The following GPR19 variants were observed in gnomAD, a reference collection of about 807,000 sequenced individuals.
The protein encoded by GPR19 is G protein-coupled receptor 19, also known as probable G protein-coupled receptor 19.
GPR19 carries 14 observed loss-of-function variants against 28.5 expected under a neutral mutation model. The ratio of observed to expected loss-of-function variants is 0.49; its 90% confidence interval spans 0.32 to 0.77. GPR19 has a LOEUF of 0.77. GPR19 is among the 30% of genes least tolerant of loss of function. The probability of loss-of-function intolerance (pLI) is 0.03; values close to 1 mark genes in which losing one functional copy is unlikely to be tolerated. For missense variants in GPR19, 409 were observed against 504.1 expected (o/e 0.81, Z 1.81); for synonymous variants, 173 against 184.1 (o/e 0.94, Z 0.49).
the GPR19 span, among the ~76,000 whole-genome samples, chr12:12,710,748 C>T: frequency 5.9e-5 from 9 of 152,138 alleles, no homozygotes; most frequent in African/African-American, 2.2e-4. Flanking sequence ...GCTATGTAGG[C>T]CAGGCTGGTC....
chr12:12,710,136 G>C, the GPR19 span, among the ~76,000 whole-genome samples: 1 of 152,198 alleles, frequency 6.6e-6, no homozygotes, highest in African/African-American at 2.4e-5. Flanking sequence ...TGGATCACCT[G>C]AGGTCAGGAG....
intron 2 of GPR19, among the ~76,000 whole-genome samples, chr12:12,694,379 T>TA (rs1166815984): frequency 6.6e-6 from 1 of 151,184 alleles, no homozygotes; most frequent in Non-Finnish European, 1.5e-5. Context: ...TTTGTATTTT[T>TA]TTTTTTTTAG....
the GPR19 span, chr12:12,715,748 G>T: frequency 6.6e-5 from 10 of 152,244 alleles, no homozygotes; most frequent in Non-Finnish European, 1.2e-4. Context: ...CCTGACTCCG[G>T]TACCAACCGA....
At chr12:12,696,552 T>G (rs1300252324), upstream of GPR19, among the ~76,000 whole-genome samples, 1 of 152,140 alleles carries the variant, frequency 6.6e-6, no homozygotes, top group African/African-American at 2.4e-5. Context: ...GAAACAAAAT[T>G]TTTTAAAAAA....
chr12:12,663,403 T>G (rs1191865090), intron 3 of GPR19, among the ~76,000 whole-genome samples: 1 of 147,668 alleles, frequency 6.8e-6, no homozygotes, highest in African/African-American at 2.5e-5. Context: ...GAATCCAGCC[T>G]GGGCAACATA....
intron 3 of GPR19, 52 bp downstream of exon 3, chr12:12,684,299 T>G (rs1830927252): frequency 6.6e-6 from 1 of 152,234 alleles, no homozygotes; most frequent in Middle Eastern, 3.1e-3. Flanking sequence ...GAAGGCATTA[T>G]GTCCTCTGAG....
At chr12:12,689,078 A>G (rs1946137714) in intron 2 of GPR19, 1 of 152,284 alleles carries the variant, frequency 6.6e-6, no homozygotes, top group South Asian at 2.1e-4. Context: ...TACTTATGGC[A>G]GAAAGTAAAA....
intron 3 of GPR19, among the ~76,000 whole-genome samples, chr12:12,670,813 GT>G (rs1224996791): frequency 2.0e-5 from 3 of 152,244 alleles, no homozygotes; most frequent in Non-Finnish European, 4.4e-5. Flanking sequence ...AGGGGCCTGG[GT>G]ACCTAATCAT....
At chr12:12,669,362 T>C (rs535913979) in intron 3 of GPR19, among the ~76,000 whole-genome samples, 1 of 152,156 alleles carries the variant, frequency 6.6e-6, no homozygotes, top group East Asian at 1.9e-4. Context: ...AGACTTCAAT[T>C]TGAATTGAAA....
At position 12,662,345 on chromosome 12, in the gene GPR19, A is replaced by C; in HGVS notation, c.104T>G (p.Leu35Arg). 6.2e-7 allele frequency: 1 copy of C among 1,614,210 alleles called. No homozygotes were observed. The highest frequency in any genetic ancestry group is 8.5e-7 in the Non-Finnish European group (1 of 1,180,030). Reference protein sequence around the residue: ...NRSCTETATPLPSQYLMELSE... With the variant: ...NRSCTETATPRPSQYLMELSE... ...TAATTCCATCAGGTATTGGCTTGGCAGAGGTGTGGCTGTTTCAGTGCAGCT... is the reference window on the plus strand; with the variant it reads ...TAATTCCATCAGGTATTGGCTTGGCCGAGGTGTGGCTGTTTCAGTGCAGCT... The change falls in exon 4 of 4, where the codon CTG (leucine) becomes CGG (arginine). Residue 35 changes from leucine (L) to arginine (R), a missense_variant. Coordinates refer to ENST00000651487, the MANE Select transcript of GPR19 (RefSeq NM_006143.3).
chr12:12,700,361 T>C (rs985310802), upstream of GPR19, among the ~76,000 whole-genome samples: 5 of 152,178 alleles, frequency 3.3e-5, no homozygotes, highest in South Asian at 2.1e-4. Context: ...CTATTTGTTG[T>C]TGTTGTTGTT....
chr12:12,684,011 A>G lies in GPR19; in HGVS notation c.-23+340T>C, dbSNP rs139327028. The G allele has an allele frequency of 6.6e-5, 10 of 152,350 alleles. No individual in the cohort carries two copies. In the East Asian group the frequency reaches 1.9e-3, roughly 29 times the overall value. The allele number at this position is 152,350 out of a possible 1,614,324, so 9.4% of individuals were successfully genotyped here. On this transcript the variant is annotated intron_variant, in intron 3 of 3. Transcript: ENST00000651487. ...GAATAAGCAGCTGAAAAAGGATGAA[A>G]CAGCTTTTATTACAGTGATGATGAA...
At chr12:12,682,869 A>G (rs1274640234) in intron 3 of GPR19, among the ~76,000 whole-genome samples, 2 of 152,186 alleles carry the variant, frequency 1.3e-5, no homozygotes, top group Admixed American at 6.5e-5. Context: ...TTATTAGCAA[A>G]TCTCCTCTTT....
At chr12:12,694,182 A>G (rs1946227297) in intron 2 of GPR19, among the ~76,000 whole-genome samples, 1 of 119,526 alleles carries the variant, frequency 8.4e-6, no homozygotes, top group African/African-American at 3.2e-5. Flanking sequence ...ATGGTAGAGT[A>G]CCTGTCTTTT....
rs768686623 is a variant in GPR19, at chr12:12,662,065, A to G, written c.384T>C (p.Thr128=). Residue 128 remains threonine, a synonymous_variant, in exon 4 of 4, where the codon ACT becomes ACC. Coordinates refer to ENST00000651487, the MANE Select transcript of GPR19 (RefSeq NM_006143.3). ...TTGCACTACCCAGCGTCCACCTTCC[A>G]GTGGTGAACTGGAGCAGGACGAAAG... is the stretch of plus-strand genomic sequence containing the variant. ...STPFVLLQFT[T]GRWTLGSATC... 3 of 1,614,258 alleles carry G rather than the reference A, an allele frequency of 1.9e-6. No individual in the cohort carries two copies. The highest frequency in any genetic ancestry group is 3.3e-5 in the Admixed American group (2 of 60,028).
chr12:12,688,178 A>G (rs1391667953), intron 2 of GPR19, among the ~76,000 whole-genome samples: 1 of 152,060 alleles, frequency 6.6e-6, no homozygotes, highest in Non-Finnish European at 1.5e-5. Flanking sequence ...AGAGAGTGGG[A>G]GGGGGGGTCA....
intron 2 of GPR19, among the ~76,000 whole-genome samples, chr12:12,685,393 C>A (rs1483557114): frequency 6.6e-6 from 1 of 151,726 alleles, no homozygotes; most frequent in African/African-American, 2.4e-5. Context: ...GTCTAGATGT[C>A]ATTAGCCCCA....
At chr12:12,671,300 C>A (rs1945852610) in intron 3 of GPR19, among the ~76,000 whole-genome samples, 1 of 62,598 alleles carries the variant, frequency 1.6e-5, no homozygotes, top group African/African-American at 4.8e-5. Context: ...AGTGAGACTC[C>A]CTCTCAAAAA....
chr12:12,699,778 T>C (rs992096765), upstream of GPR19, among the ~76,000 whole-genome samples: 4 of 152,216 alleles, frequency 2.6e-5, no homozygotes, highest in Non-Finnish European at 4.4e-5. Context: ...CTTGCCTCCA[T>C]CTACTGGCAT....
Sources: gnomAD v4.1 joint callset for allele counts (sites outside exome capture counted in the v4.1 genomes callset) on GRCh38, gnomAD v4.1.1 for gene constraint, MANE v1.5 for transcripts, NCBI Gene and HGNC (gene_info 2026-07-23, HGNC 2026-07-21) for gene names.